RTL4: variants seen among roughly 807,000 people sequenced by gnomAD.
The protein encoded by RTL4 is retrotransposon Gag-like protein 4.
Under a neutral mutation model 5.3 loss-of-function variants are expected in RTL4, and 4 were observed. That is an observed-to-expected ratio of 0.75 (90% confidence interval 0.37 to 1.72). RTL4 has a LOEUF of 1.72. Among genes scored for constraint, RTL4 ranks in the 40% most tolerant of loss-of-function variants. The pLI, the probability that RTL4 is intolerant of heterozygous loss-of-function variation, is 0.04. For synonymous variants in RTL4, 98 were observed against 87.3 expected, an observed-to-expected ratio of 1.12 and a Z score of -0.68; for missense variants, 260 against 227.1, an observed-to-expected ratio of 1.14 and a Z score of -0.93.
chrX:112,301,287 A>C, the RTL4 span, among the ~76,000 whole-genome samples: 3 of 111,918 alleles, frequency 2.7e-5, no homozygotes, highest in African/African-American at 9.8e-5. Flanking sequence ...TTGCCTAGGT[A>C]AGCTACTTAA....
At chrX:112,443,282 A>T in the RTL4 span, among the ~76,000 whole-genome samples, 1 of 112,106 alleles carries the variant, frequency 8.9e-6, no homozygotes, top group African/African-American at 3.2e-5. Flanking sequence ...TTTATTGCTG[A>T]ATAGTACTCC....
chrX:112,360,973 A>T, the RTL4 span, among the ~76,000 whole-genome samples: 1,655 of 111,575 alleles, frequency 0.015, 34 homozygotes, highest in African/African-American at 0.051. Flanking sequence ...AAAGAAAAAA[A>T]GAAAAAATGT....
the RTL4 span, among the ~76,000 whole-genome samples, chrX:112,201,920 T>C: frequency 9.0e-6 from 1 of 111,227 alleles, no homozygotes; most frequent in East Asian, 2.8e-4. Flanking sequence ...TAAAATCCAC[T>C]TATTAAATTT....
the RTL4 span, among the ~76,000 whole-genome samples, chrX:112,240,465 T>C: frequency 2.7e-5 from 3 of 111,584 alleles, no homozygotes; most frequent in Non-Finnish European, 5.6e-5. Flanking sequence ...CTCAGAACTA[T>C]TACATTAGCT....
At chrX:112,386,339 C>CTTATT in the RTL4 span, among the ~76,000 whole-genome samples, 1 of 111,425 alleles carries the variant, frequency 9.0e-6, no homozygotes, top group East Asian at 2.8e-4. Flanking sequence ...AACACTAGGT[C>CTTATT]TTATTTATTC....
At chrX:112,150,119 G>A in the RTL4 span, among the ~76,000 whole-genome samples, 17 of 111,570 alleles carry the variant, frequency 1.5e-4, no homozygotes, top group African/African-American at 5.5e-4. Context: ...GCCAGGTGGA[G>A]GATGGCAGAA....
At chrX:112,379,506 C>A in the RTL4 span, among the ~76,000 whole-genome samples, 1 of 111,787 alleles carries the variant, frequency 8.9e-6, no homozygotes, top group Non-Finnish European at 1.9e-5. Flanking sequence ...CCTTTTCTAT[C>A]TTTTTCTTGC....
At chrX:112,236,429 A>C in the RTL4 span, among the ~76,000 whole-genome samples, 2 of 80,434 alleles carry the variant, frequency 2.5e-5, no homozygotes, top group African/African-American at 1.1e-4. Flanking sequence ...CTATATATAG[A>C]TATAGATCTA....
At chrX:112,164,074 C>G in the RTL4 span, among the ~76,000 whole-genome samples, 3 of 111,756 alleles carry the variant, frequency 2.7e-5, no homozygotes, top group Admixed American at 9.5e-5. Context: ...AACTCAAATC[C>G]AGAGGTCTAA....
the RTL4 span, among the ~76,000 whole-genome samples, chrX:112,421,275 T>G: frequency 9.0e-6 from 1 of 111,666 alleles, no homozygotes; most frequent in African/African-American, 3.3e-5. Context: ...AGAAAAATTG[T>G]GGGAATAAAT....
At chrX:112,362,298 C>T in the RTL4 span, among the ~76,000 whole-genome samples, 2 of 111,773 alleles carry the variant, frequency 1.8e-5, no homozygotes, top group African/African-American at 3.2e-5. Flanking sequence ...CATTATGGAG[C>T]TTTCATGTAG....
the RTL4 span, among the ~76,000 whole-genome samples, chrX:112,349,059 CAT>C: frequency 9.0e-6 from 1 of 110,932 alleles, no homozygotes; most frequent in Admixed American, 9.6e-5. Context: ...CTTAGAATAA[CAT>C]AGTAGATGGT....
At chrX:112,303,417 T>C in the RTL4 span, among the ~76,000 whole-genome samples, 2 of 109,254 alleles carry the variant, frequency 1.8e-5, no homozygotes, top group Admixed American at 2.0e-4. Context: ...GAATGTATTG[T>C]CATTTCTCCA....
At chrX:112,237,075 C>T in the RTL4 span, among the ~76,000 whole-genome samples, 22 of 111,553 alleles carry the variant, frequency 2.0e-4, 1 homozygote, top group South Asian at 8.3e-3. Context: ...GGGATTCCCC[C>T]CTAGAGCTTG....
At chrX:112,097,607 G>T in the RTL4 span, among the ~76,000 whole-genome samples, 1 of 111,728 alleles carries the variant, frequency 9.0e-6, no homozygotes, top group Non-Finnish European at 1.9e-5. Context: ...TCACGCTCTA[G>T]CCTGGGTGAC....
At chrX:112,229,858 G>A in the RTL4 span, among the ~76,000 whole-genome samples, 2 of 111,776 alleles carry the variant, frequency 1.8e-5, no homozygotes, top group African/African-American at 3.3e-5. Context: ...TTGGTGAACC[G>A]CAAATGCTGC....
the RTL4 span, among the ~76,000 whole-genome samples, chrX:112,208,199 T>C: frequency 8.9e-6 from 1 of 111,755 alleles, no homozygotes; most frequent in South Asian, 3.8e-4. Context: ...CAATAATTGT[T>C]TGTGTAGAGA....
At chrX:112,200,194 T>C in the RTL4 span, among the ~76,000 whole-genome samples, 3 of 111,868 alleles carry the variant, frequency 2.7e-5, no homozygotes, top group Non-Finnish European at 5.6e-5. Flanking sequence ...GAATTGGGCC[T>C]AAAACTACTT....
At chrX:112,350,764 T>C in the RTL4 span, among the ~76,000 whole-genome samples, 3 of 111,567 alleles carry the variant, frequency 2.7e-5, no homozygotes, top group African/African-American at 9.8e-5. Flanking sequence ...TCTTTTCTTC[T>C]TTATTAGTCT....
Sources: gnomAD v4.1 joint callset for allele counts (sites outside exome capture counted in the v4.1 genomes callset) on GRCh38, gnomAD v4.1.1 for gene constraint, MANE v1.5 for transcripts, NCBI Gene and HGNC (gene_info 2026-07-23, HGNC 2026-07-21) for gene names.